The following SLC31A1 variants were observed in gnomAD, a reference collection of about 807,000 sequenced individuals.
SLC31A1 encodes the protein solute carrier family 31 member 1, also known as high affinity copper uptake protein 1.
SLC31A1 carries 5 observed loss-of-function variants against 17.2 expected under a neutral mutation model. That is an observed-to-expected ratio of 0.29 (90% CI 0.15 to 0.61). The LOEUF is 0.61. Among genes scored for constraint, SLC31A1 ranks in the 20% least tolerant of loss-of-function variants. SLC31A1 has a pLI of 0.86. For synonymous variants in SLC31A1, 76 were observed against 78.8 expected (o/e 0.96, Z 0.19); for missense variants, 161 against 241.4 (o/e 0.67, Z 2.21).
Position 113,258,707 on chromosome 9 carries a change from T to G in SLC31A1, c.216T>G (p.Ala72=). Residue 72 remains alanine, a synonymous_variant, in exon 4 of 5, where the codon GCT becomes GCG. Coordinates refer to ENST00000374212, the MANE Select transcript of SLC31A1 (RefSeq NM_001859.4). The surrounding 1 kb of genome is among the most constrained non-coding windows in gnomAD (Gnocchi z 4.8). The part of the protein sequence containing the change: ...VINTAGEMAG[A]FVAVFLLAMF... ...TTCCATACTTAGAAATGGCTGGAGCTTTTGTGGCAGTGTTTTTACTAGCAA... is the reference window on the plus strand; with the variant it reads ...TTCCATACTTAGAAATGGCTGGAGCGTTTGTGGCAGTGTTTTTACTAGCAA... The G allele has an allele frequency of 1.2e-6, 2 of 1,614,202 alleles. No homozygotes were observed. The highest frequency in any genetic ancestry group is 1.7e-6 in the Non-Finnish European group (2 of 1,180,030).
chr9:113,233,561 C>G (rs987403599), intron 1 of SLC31A1, among the ~76,000 whole-genome samples: 7 of 152,222 alleles, frequency 4.6e-5, no homozygotes, highest in Non-Finnish European at 8.8e-5. Context: ...TCCCCTCCCT[C>G]TGGGATTTAG....
intron 2 of SLC31A1, 177 bp downstream of exon 2, chr9:113,256,454 C>A: frequency 3.2e-6 from 2 of 630,176 alleles, no homozygotes; most frequent in Admixed American, 3.0e-5. Flanking sequence ...AAGCTACTTA[C>A]AGAGTCACAC....
Position 113,256,119 on chromosome 9 carries a change from TCTG to T in SLC31A1, c.-26_-24del. On this transcript the variant is annotated 5_prime_UTR_variant, in exon 2 of 5. Coordinates refer to ENST00000374212, the MANE Select transcript of SLC31A1 (RefSeq NM_001859.4). ...ATAATTCTTTCTCTTAAAAGAATCTTCTGCTGACTCTCAACTTTTCCTGGAAAA... is the reference window on the plus strand; with the variant it reads ...ATAATTCTTTCTCTTAAAAGAATCTTCTGACTCTCAACTTTTCCTGGAAAA... The T allele has an allele frequency of 6.2e-7, 1 of 1,609,238 alleles. No homozygotes were observed. Among genetic ancestry groups the T allele is most frequent in the African/African-American group, 1.3e-5 (1 of 74,910 alleles).
intron 1 of SLC31A1, among the ~76,000 whole-genome samples, chr9:113,225,491 T>C (rs750134219): frequency 1.3e-5 from 2 of 152,218 alleles, no homozygotes; most frequent in Non-Finnish European, 2.9e-5. Flanking sequence ...CCACTTCATT[T>C]TCTAATGGCC....
At chr9:113,245,872 G>C (rs548270293) in intron 1 of SLC31A1, among the ~76,000 whole-genome samples, 2 of 151,984 alleles carry the variant, frequency 1.3e-5, no homozygotes, top group African/African-American at 4.8e-5. Context: ...GGGCTTAAGC[G>C]ATCTGCCTGC....
intron 1 of SLC31A1, among the ~76,000 whole-genome samples, chr9:113,251,664 A>G (rs1221768575): frequency 6.6e-6 from 1 of 152,224 alleles, no homozygotes; most frequent in East Asian, 1.9e-4. Flanking sequence ...ATCCAAATAC[A>G]TACAGCACAT....
chr9:113,252,946 C>CTTTTTTTTT lies in SLC31A1; in HGVS notation c.-35-3161_-35-3160insTTTTTTTTT, dbSNP rs1282361795. 7.6e-4 allele frequency among the ~76,000 whole-genome samples: 86 copies of CTTTTTTTTT among 113,700 alleles called. 5 individuals are homozygous for CTTTTTTTTT. Among genetic ancestry groups the CTTTTTTTTT allele is most frequent in the African/African-American group, 1.0e-3 (29 of 28,112 alleles). 74.6% of individuals were successfully genotyped at this position (113,700 alleles called of 152,430 possible). A position where few individuals can be genotyped will look rare whatever the true frequency, so the allele number is the denominator to read the frequency against. ...CTGGCTAGCGAAAGTCTTTTCTTTT[C>CTTTTTTTTT]TTTTTTTCTTTTTTTTTTTTTTTTT... On this transcript the variant is annotated intron_variant, in intron 1 of 4. Coordinates refer to ENST00000374212, the MANE Select transcript of SLC31A1 (RefSeq NM_001859.4).
Position 113,256,138 on chromosome 9 carries a change from T to C in SLC31A1, c.-11T>C, listed in dbSNP as rs1831724381. 2 of 1,611,820 alleles carry C rather than the reference T, an allele frequency of 1.2e-6. No homozygotes were observed. The highest frequency in any genetic ancestry group is 1.7e-6 in the Non-Finnish European group (2 of 1,179,812). On this transcript the variant is annotated 5_prime_UTR_variant, in exon 2 of 5. Coordinates refer to ENST00000374212, the MANE Select transcript of SLC31A1 (RefSeq NM_001859.4). ...GAATCTTCTGCTGACTCTCAACTTT[T>C]CCTGGAAAAAATGGATCATTCCCAC...
At chr9:113,232,865 C>T (rs1831416501) in intron 1 of SLC31A1, among the ~76,000 whole-genome samples, 1 of 151,732 alleles carries the variant, frequency 6.6e-6, no homozygotes, top group African/African-American at 2.4e-5. Context: ...GAACAGCAGA[C>T]ATAAGGAAGA....
intron 1 of SLC31A1, among the ~76,000 whole-genome samples, chr9:113,230,760 T>C (rs1377746676): frequency 6.6e-6 from 1 of 152,206 alleles, no homozygotes; most frequent in African/African-American, 2.4e-5. Flanking sequence ...TAACATTGTT[T>C]ACTATAGTCA....
At chr9:113,246,632 T>G (rs1831582331) in intron 1 of SLC31A1, among the ~76,000 whole-genome samples, 1 of 152,200 alleles carries the variant, frequency 6.6e-6, no homozygotes, top group Non-Finnish European at 1.5e-5. Context: ...ATTATAGGCG[T>G]GAGCCACTGC....
intron 1 of SLC31A1, among the ~76,000 whole-genome samples, chr9:113,231,231 C>G (rs1266486707): frequency 6.6e-6 from 1 of 152,096 alleles, no homozygotes; most frequent in African/African-American, 2.4e-5. Context: ...GCACACACAC[C>G]TATCTTTCTG....
Position 113,263,193 on chromosome 9 carries a change from A to G in SLC31A1, c.*2720A>G, listed in dbSNP as rs1831813760. The stretch of plus-strand genomic sequence containing the variant: ...AAAATTCAAGGCCAGTTAAGACAAA[A>G]TGCTATGACTTTGAAATTCACAGAA... On this transcript the variant is annotated 3_prime_UTR_variant, in exon 5 of 5. Coordinates refer to ENST00000374212, the MANE Select transcript of SLC31A1 (RefSeq NM_001859.4). The G allele has an allele frequency of 6.6e-6, 1 of 152,222 alleles. No individual in the cohort carries two copies. The highest frequency in any genetic ancestry group is 6.5e-5 in the Admixed American group (1 of 15,276). The allele number at this position is 152,222 out of a possible 1,614,324, so 9.4% of individuals were successfully genotyped here.
At chr9:113,240,643 G>A (rs1284059131) in intron 1 of SLC31A1, among the ~76,000 whole-genome samples, 1 of 152,098 alleles carries the variant, frequency 6.6e-6, no homozygotes, top group African/African-American at 2.4e-5. Flanking sequence ...CATGATAAAT[G>A]TTGAATAAAT....
rs73655855 is a variant in SLC31A1, at chr9:113,252,008, C to G, written c.-35-4106C>G. On this transcript the variant is annotated intron_variant, in intron 1 of 4. Coordinates refer to ENST00000374212, the MANE Select transcript of SLC31A1 (RefSeq NM_001859.4). Reference sequence around the variant, plus strand: ...GTAGATTCTGCTCTTGTTCTATCTCCTAGTATATTTGGATGTGAAATATAT... The same window carrying G: ...GTAGATTCTGCTCTTGTTCTATCTCGTAGTATATTTGGATGTGAAATATAT... Among the ~76,000 whole-genome samples, 936 of 152,302 alleles carry G rather than the reference C, an allele frequency of 6.1e-3. 13 individuals carry two copies. The highest frequency in any genetic ancestry group is 0.021 in the African/African-American group (889 of 41,556).
intron 1 of SLC31A1, among the ~76,000 whole-genome samples, chr9:113,247,711 G>GA (rs1337798140): frequency 6.6e-6 from 1 of 152,126 alleles, no homozygotes; most frequent in Admixed American, 6.6e-5. Context: ...AAGCTGTTTG[G>GA]AAAAATATCA....
intron 1 of SLC31A1, among the ~76,000 whole-genome samples, chr9:113,228,725 T>C (rs547296320): frequency 1.3e-5 from 2 of 152,352 alleles, no homozygotes; most frequent in African/African-American, 2.4e-5. Context: ...TCTAGTGTTA[T>C]GGAGCCTTCT....
At chr9:113,254,010 G>A (rs1281762004) in intron 1 of SLC31A1, among the ~76,000 whole-genome samples, 2 of 139,454 alleles carry the variant, frequency 1.4e-5, no homozygotes, top group Non-Finnish European at 3.1e-5. Flanking sequence ...GCTGGAGTGC[G>A]GTAGTCCAAC....
intron 1 of SLC31A1, among the ~76,000 whole-genome samples, chr9:113,242,921 T>C (rs573270276): frequency 1.1e-4 from 16 of 152,326 alleles, no homozygotes; most frequent in African/African-American, 3.4e-4. Context: ...TTGTTTACAG[T>C]CTCTCTCATA....
Sources: gnomAD v4.1 joint callset for allele counts (sites outside exome capture counted in the v4.1 genomes callset) on GRCh38, gnomAD v4.1.1 for gene constraint, Gnocchi (gnomAD v3.1) non-coding constraint, MANE v1.5 for transcripts, NCBI Gene and HGNC (gene_info 2026-07-23, HGNC 2026-07-21) for gene names.